CFAP54: variants seen among roughly 807,000 people sequenced by gnomAD.
CFAP54 encodes cilia- and flagella-associated protein 54.
In CFAP54, 290 loss-of-function variants were observed where a neutral mutation model predicts 370.4. The observed-to-expected ratio is 0.78, with a 90% CI of 0.71 to 0.86. The LOEUF is 0.86. CFAP54 is among the 40% of genes least tolerant of loss of function. CFAP54 has a pLI of 0.00. For synonymous variants in CFAP54, 1,206 were observed against 1,236.5 expected (o/e 0.98, Z 0.52); for missense variants, 3,399 against 3,528.7 (o/e 0.96, Z 0.93).
chr12:96,654,183 T>A (rs1956893657), intron 36 of CFAP54, among the ~76,000 whole-genome samples: 1 of 146,274 alleles, frequency 6.8e-6, no homozygotes, highest in Non-Finnish European at 1.5e-5. Context: ...GAAGAAATAA[T>A]ACATTTTATA....
chr12:96,496,702 G>T, intron 1 of CFAP54, among the ~76,000 whole-genome samples: 1 of 152,142 alleles, frequency 6.6e-6, no homozygotes, highest in South Asian at 2.1e-4. Context: ...TTGGGGGGCA[G>T]TGGGGGAGGG....
chr12:96,503,084 CTTTCTTTCTT>C (rs1406752447), intron 2 of CFAP54, among the ~76,000 whole-genome samples: 1 of 124,128 alleles, frequency 8.1e-6, no homozygotes, highest in Non-Finnish European at 1.7e-5. Context: ...CTTTCTTTCT[CTTTCTTTCTT>C]TCTCTCTCTC....
intron 36 of CFAP54, among the ~76,000 whole-genome samples, chr12:96,655,802 C>A (rs1956915690): frequency 6.6e-6 from 1 of 151,706 alleles, no homozygotes; most frequent in Non-Finnish European, 1.5e-5. Flanking sequence ...ATCTGTAAGG[C>A]AATAAGGGAA....
At chr12:96,816,555 T>C (rs1958976433) in intron 64 of CFAP54, among the ~76,000 whole-genome samples, 1 of 152,262 alleles carries the variant, frequency 6.6e-6, no homozygotes, top group Non-Finnish European at 1.5e-5. Flanking sequence ...ATCATTAGGA[T>C]AATCAAGTAT....
At chr12:96,538,041 C>T (rs998133960) in intron 12 of CFAP54, among the ~76,000 whole-genome samples, 2 of 151,750 alleles carry the variant, frequency 1.3e-5, no homozygotes, top group African/African-American at 2.4e-5. Flanking sequence ...GATTGCGAGC[C>T]GAGATCTTGC....
At chr12:96,751,129 C>A (rs898609500) in intron 55 of CFAP54, among the ~76,000 whole-genome samples, 1 of 152,032 alleles carries the variant, frequency 6.6e-6, no homozygotes, top group African/African-American at 2.4e-5. Flanking sequence ...AATGACTGAA[C>A]CTTGAGCTTC....
chr12:96,858,113 A>G (rs1959764071), intron 66 of CFAP54, among the ~76,000 whole-genome samples: 1 of 152,210 alleles, frequency 6.6e-6, no homozygotes, highest in Non-Finnish European at 1.5e-5. Context: ...GAACTAAGTT[A>G]CACTCCCACC....
rs1486431006 is a variant in CFAP54 at position 96,700,113 on chromosome 12, C to A, written c.6474+20C>A. ...ATGAAGGTAACCTGACAATTTGATT[C>A]AAAGCAATTTCTTTACCTATGAGGG... is the stretch of plus-strand genomic sequence containing the variant. On this transcript the variant is annotated intron_variant, in intron 46 of 67. Transcript: ENST00000524981. 1.9e-6 allele frequency: 3 copies of A among 1,596,146 alleles called. No homozygotes were observed. The highest frequency in any genetic ancestry group is 2.6e-6 in the Non-Finnish European group (3 of 1,172,554).
chr12:96,580,893 T>A (rs1341777584), intron 21 of CFAP54, 27 bp from the exon 22 acceptor site: 1 of 1,387,212 alleles, frequency 7.2e-7, no homozygotes, highest in Non-Finnish European at 9.5e-7. Context: ...TTTTCATGTA[T>A]AACTTGAAAT....
rs375169227 is a variant in CFAP54 at position 96,545,498 on chromosome 12, C to A, written c.2078-2404C>A. Among the ~76,000 whole-genome samples the A allele has an allele frequency of 1.9e-3, 278 of 150,206 alleles. 1 individual carries two copies. Among genetic ancestry groups the A allele is most frequent in the African/African-American group, 6.4e-3 (264 of 41,010 alleles). On this transcript the variant is annotated intron_variant, in intron 14 of 67. Transcript: ENST00000524981. Reference sequence around the variant, plus strand: ...TTTTAAAAAACAAACAATATATTTCCAAAAAAAAATAAAGTCACCAGTCCC... The same window carrying A: ...TTTTAAAAAACAAACAATATATTTCAAAAAAAAAATAAAGTCACCAGTCCC...
intron 26 of CFAP54, among the ~76,000 whole-genome samples, chr12:96,607,010 A>G (rs1041167215): frequency 2.0e-5 from 3 of 152,184 alleles, no homozygotes; most frequent in Admixed American, 6.5e-5. Context: ...GTTAGGATGT[A>G]AGCTTGCTTC....
intron 32 of CFAP54, among the ~76,000 whole-genome samples, chr12:96,631,173 T>G (rs1051586603): frequency 6.6e-6 from 1 of 151,978 alleles, no homozygotes; most frequent in African/African-American, 2.4e-5. Flanking sequence ...CACTTTGTTT[T>G]TATTTGCATT....
intron 32 of CFAP54, among the ~76,000 whole-genome samples, chr12:96,635,486 C>T (rs747860393): frequency 2.0e-5 from 3 of 152,202 alleles, no homozygotes; most frequent in Non-Finnish European, 4.4e-5. Context: ...TCTCCAGCAC[C>T]AGCGGGGCAG....
At chr12:96,621,876 T>G (rs12818898) in intron 27 of CFAP54, among the ~76,000 whole-genome samples, 155 bp downstream of exon 27, 2 of 22,160 alleles carry the variant, frequency 9.0e-5, no homozygotes, top group African/African-American at 2.3e-4. Context: ...TTTGGGTTTG[T>G]TTTTTTTTTT....
At chr12:96,729,559 G>T (rs1224631242) in intron 50 of CFAP54, among the ~76,000 whole-genome samples, 2 of 152,182 alleles carry the variant, frequency 1.3e-5, no homozygotes, top group Non-Finnish European at 2.9e-5. Flanking sequence ...TATTCGGGTG[G>T]GAGTGACCCG....
intron 5 of CFAP54, among the ~76,000 whole-genome samples, chr12:96,518,348 G>T (rs1261503234): frequency 6.6e-6 from 1 of 152,164 alleles, no homozygotes; most frequent in Non-Finnish European, 1.5e-5. Flanking sequence ...CTAGACTACT[G>T]TTGACATGGT....
At chr12:96,836,884 G>A (rs996757146) in intron 66 of CFAP54, among the ~76,000 whole-genome samples, 1 of 152,286 alleles carries the variant, frequency 6.6e-6, no homozygotes, top group South Asian at 2.1e-4. Context: ...CTATAGTGCA[G>A]TGGTGTGATT....
chr12:96,608,308 T>TACACAC (rs5800256), intron 26 of CFAP54, among the ~76,000 whole-genome samples: 2 of 150,682 alleles, frequency 1.3e-5, no homozygotes, highest in Non-Finnish European at 3.0e-5. Flanking sequence ...CATATATATA[T>TACACAC]ACACACACAC....
chr12:96,778,556 C>G (rs1217747391), intron 60 of CFAP54, among the ~76,000 whole-genome samples: 1 of 152,188 alleles, frequency 6.6e-6, no homozygotes, highest in African/African-American at 2.4e-5. Context: ...GTCTCCTTCT[C>G]TATACATTCT....
Sources: allele counts gnomAD v4.1 joint callset (sites outside exome capture counted in the v4.1 genomes callset), GRCh38; gene constraint gnomAD v4.1.1; transcripts MANE v1.5; gene names NCBI Gene and HGNC (gene_info 2026-07-23, HGNC 2026-07-21).